SLC6A8: variants seen among roughly 807,000 people sequenced by gnomAD.
The protein encoded by SLC6A8 is solute carrier family 6 member 8.
In SLC6A8, 6 loss-of-function variants were observed where a neutral mutation model predicts 48.3. That is an observed-to-expected ratio of 0.12 (90% confidence interval 0.07 to 0.25). SLC6A8 has a LOEUF of 0.25. Among genes scored for constraint, SLC6A8 ranks in the 10% least tolerant of loss-of-function variants. SLC6A8 has a pLI of 1.00. For missense variants in SLC6A8, 260 were observed against 551.5 expected, an observed-to-expected ratio of 0.47 and a Z score of 5.29; for synonymous variants, 245 against 244.0, an observed-to-expected ratio of 1.00 and a Z score of -0.04.
At chrX:153,690,316 T>G in intron 1 of SLC6A8, 59 bp from the exon 2 acceptor site, 1 of 1,158,944 alleles carries the variant, frequency 8.6e-7, no homozygotes, top group Non-Finnish European at 1.2e-6. Flanking sequence ...GCTGGCCCGC[T>G]GGGCCTGGGC....
At position 153,694,866 on chromosome X, in the gene SLC6A8, A is replaced by G. The variant is rs782149657; in HGVS notation, c.1744A>G (p.Arg582Gly). ...VPLHLLGCLL[R>G]AKGTMAERWQ... Reference sequence around the variant, plus strand: ...GCTGCACCTCCTGGGCTGCCTCCTCAGGGCCAAGGGCACCATGGCTGAGGT... The same window carrying G: ...GCTGCACCTCCTGGGCTGCCTCCTCGGGGCCAAGGGCACCATGGCTGAGGT... Residue 582 changes from arginine to glycine, a missense_variant, in exon 12 of 13, where the codon AGG (arginine) becomes GGG (glycine). By Grantham distance (125) the Arg-to-Gly change is moderately radical. This residue lies in a region of SLC6A8 where 87 missense variants were observed against 120.9 expected (regional missense o/e 0.72). Coordinates refer to ENST00000253122, the MANE Select transcript of SLC6A8 (RefSeq NM_005629.4). The G allele has an allele frequency of 1.0e-5, 12 of 1,198,443 alleles. No homozygotes were observed. In the South Asian group the frequency reaches 2.0e-4, roughly 20 times the overall value.
At position 153,688,644 on chromosome X, in the gene SLC6A8, G is replaced by C. The variant is rs1557043775; in HGVS notation, c.70G>C (p.Ala24Pro). 2 of 1,077,966 alleles carry C rather than the reference G, an allele frequency of 1.9e-6. No individual in the cohort carries two copies. The highest frequency in any genetic ancestry group is 6.6e-5 in the Admixed American group (2 of 30,082). The allele number at this position is 1,077,966 out of a possible 1,213,427, so 88.8% of individuals were successfully genotyped here. A position where few individuals can be genotyped will look rare whatever the true frequency, so the allele number is the denominator to read the frequency against. ...SGDEKKGPLI[A>P]PGPDGAPAKG... is the part of the protein sequence containing the mutation. ...CGACGAGAAGAAGGGCCCCCTCATCGCGCCCGGGCCCGACGGGGCCCCGGC... is the reference window on the plus strand; with the variant it reads ...CGACGAGAAGAAGGGCCCCCTCATCCCGCCCGGGCCCGACGGGGCCCCGGC... The change falls in exon 1 of 13, where the codon GCG becomes CCG. Residue 24 changes from alanine to proline, a missense_variant. Physicochemically the swap from Ala to Pro is conservative, Grantham distance 27. Coordinates refer to ENST00000253122, the MANE Select transcript of SLC6A8 (RefSeq NM_005629.4).
In SLC6A8 at chrX:153,696,000, C is replaced by G. The variant is rs2091489482; in HGVS notation, c.*786C>G. On this transcript the variant is annotated 3_prime_UTR_variant, in exon 13 of 13. Transcript: ENST00000253122. Reference sequence around the variant, plus strand: ...AAAAGAGGAAGGAGCCCAAACCATCCTCTCCTTACCACTCCCATCCCTGTG... The same window carrying G: ...AAAAGAGGAAGGAGCCCAAACCATCGTCTCCTTACCACTCCCATCCCTGTG... 8.3e-6 allele frequency: 1 copy of G among 120,798 alleles called. No homozygotes were observed. Among genetic ancestry groups the G allele is most frequent in the African/African-American group, 3.2e-5 (1 of 31,091 alleles). The allele number at this position is 120,798 out of a possible 1,213,427, so 10.0% of individuals were successfully genotyped here.
At chrX:153,693,242 C>T (rs782162847) in intron 5 of SLC6A8, 21 bp from the exon 6 acceptor site, 88 of 1,205,918 alleles carry the variant, frequency 7.3e-5, no homozygotes, top group East Asian at 3.0e-4. Flanking sequence ...CTCATGCCTG[C>T]GCTCTCCGGC....
At chrX:153,692,734 T>A (rs1603216296) in intron 4 of SLC6A8, 2 of 402,744 alleles carry the variant, frequency 5.0e-6, no homozygotes, top group East Asian at 1.2e-4. Flanking sequence ...CACACACTCA[T>A]ACAGCTCTCA....
Position 153,694,365 on chromosome X carries a change from C to T in SLC6A8, c.1414C>T (p.Leu472=), listed in dbSNP as rs781974297. 7.4e-6 allele frequency: 9 copies of T among 1,209,144 alleles called. No homozygotes were observed. The Admixed American group carries it at 1.7e-4, about 23-fold the overall frequency. ...CCAGGGCGGGATGTACGTCTTCCAG[C>T]TGTTTGACTACTACTCGGCCAGCGG... The part of the protein sequence containing the change: ...VTDGGMYVFQ[L]FDYYSASGTT... The change falls in exon 10 of 13, where the codon CTG becomes TTG. Residue 472 remains leucine (L), a synonymous_variant. Transcript: ENST00000253122.
At chrX:153,692,599 T>G (rs1198868900) in intron 4 of SLC6A8, 3 of 339,590 alleles carry the variant, frequency 8.8e-6, no homozygotes, top group Middle Eastern at 4.3e-4. Flanking sequence ...GCATCTCGCC[T>G]GCCTCTGCCT....
rs2148360949 is a variant in SLC6A8, at chrX:153,691,297, G to A, written c.395-7G>A. ...GAATCTACATGGCAAGGACTTCCCG[G>A]CCCCAGGCCTGGGCTACGCCTCCAT... is the stretch of plus-strand genomic sequence containing the variant. On this transcript the variant is annotated splice_region_variant and splice_polypyrimidine_tract_variant and intron_variant, in intron 2 of 12. Coordinates refer to ENST00000253122, the MANE Select transcript of SLC6A8 (RefSeq NM_005629.4). 1.7e-6 allele frequency: 2 copies of A among 1,191,153 alleles called. No homozygotes were observed. Among genetic ancestry groups the A allele is most frequent in the East Asian group, 3.1e-5 (1 of 32,608 alleles).
In SLC6A8 at chrX:153,695,074, C is replaced by T. The variant is rs2314078; in HGVS notation, c.1768C>T (p.Arg590Cys). 4 of 1,200,127 alleles carry T rather than the reference C, an allele frequency of 3.3e-6. No individual in the cohort carries two copies. Among genetic ancestry groups the T allele is most frequent in the East Asian group, 3.0e-5 (1 of 33,395 alleles). ...TTCAGCATGTCCTCCTCTCCTGCAG[C>T]GCTGGCAGCACCTGACCCAGCCCAT... is the stretch of plus-strand genomic sequence containing the variant. The part of the protein sequence containing the change: ...LLRAKGTMAE[R>C]WQHLTQPIWG... The change falls in exon 13 of 13, where the codon CGC becomes TGC. Residue 590 changes from arginine to cysteine, a missense_variant and splice_region_variant. Physicochemically the swap from Arg to Cys is radical, Grantham distance 180. Coordinates refer to ENST00000253122, the MANE Select transcript of SLC6A8 (RefSeq NM_005629.4).
chrX:153,692,406 T>TA (rs1557044664), intron 4 of SLC6A8: 2 of 384,605 alleles, frequency 5.2e-6, no homozygotes, highest in East Asian at 6.9e-5. Flanking sequence ...GGCCATCTGT[T>TA]ACCTATCTTG....
At chrX:153,690,856 G>A in intron 2 of SLC6A8, 1 of 279,343 alleles carries the variant, frequency 3.6e-6, no homozygotes, top group Non-Finnish European at 6.5e-6. Flanking sequence ...CCACTGCAGG[G>A]GCGACTGTCT....
intron 4 of SLC6A8, 124 bp from the exon 5 acceptor site, chrX:153,692,917 C>A: frequency 1.1e-6 from 1 of 920,907 alleles, no homozygotes; most frequent in Non-Finnish European, 1.5e-6. Context: ...CTGGCGGGAG[C>A]CATGGCTCGG....
chrX:153,693,428 C>G (rs377530089), intron 6 of SLC6A8, 34 bp from the exon 7 acceptor site: 15 of 1,209,170 alleles, frequency 1.2e-5, no homozygotes, highest in South Asian at 1.8e-5. Flanking sequence ...GCCCAGCAGC[C>G]TAACCCATCC....
Position 153,694,082 on chromosome X carries a change from AG to A in SLC6A8, c.1255-44del, listed in dbSNP as rs34035058. On this transcript the variant is annotated intron_variant, in intron 8 of 12. Transcript: ENST00000253122. ...CGGAGGGAGGGCTGCAGGCAAGGAA[AG>A]GGGTGGAGGGCGGTGCGGGGCTCGG... 1.1e-4 allele frequency: 132 copies of A among 1,190,008 alleles called. No homozygotes were observed. The highest frequency in any genetic ancestry group is 1.5e-4 in the Non-Finnish European group (129 of 879,726).
chrX:153,692,518 A>G (rs1557044716), intron 4 of SLC6A8: 1 of 339,925 alleles, frequency 2.9e-6, no homozygotes, highest in Admixed American at 3.1e-5. Context: ...GCTGTGGGAC[A>G]TGGCCAGCTC....
chrX:153,690,138 G>T (rs1328266427), intron 1 of SLC6A8, among the ~76,000 whole-genome samples: 1 of 113,048 alleles, frequency 8.8e-6, no homozygotes, highest in Non-Finnish European at 1.9e-5. Context: ...GGGGCCTAGG[G>T]CCCCTCTGCC....
rs1486125548 is a variant in SLC6A8 at position 153,688,586 on chromosome X, G to C, written c.12G>C (p.Lys4Asn). The C allele has an allele frequency of 3.8e-6, 4 of 1,042,912 alleles. No homozygotes were observed. The highest frequency in any genetic ancestry group is 5.0e-6 in the Non-Finnish European group (4 of 807,198). 85.9% of individuals were successfully genotyped at this position (1,042,912 alleles called of 1,213,427 possible). ...GGCCCGCCGAGGCCATGGCGAAGAA[G>C]AGCGCCGAGAACGGCATCTATAGCG... MAKKSAENGIYSVS... is the reference protein window; with the variant it reads MAKNSAENGIYSVS... The change falls in exon 1 of 13, where the codon AAG becomes AAC. Residue 4 changes from lysine (K) to asparagine (N), a missense_variant. This residue lies in a region of SLC6A8 where 50 missense variants were observed against 55.1 expected (regional missense o/e 0.91). Transcript: ENST00000253122.
At chrX:153,694,058 G>A (rs782294985) in intron 8 of SLC6A8, 41 bp downstream of exon 8, 12 of 1,189,393 alleles carry the variant, frequency 1.0e-5, no homozygotes, top group South Asian at 7.2e-5. Flanking sequence ...GGAGGGGGGC[G>A]GAGGGAGGGC....
At chrX:153,694,673 C>T (rs781925476) in intron 11 of SLC6A8, 40 bp downstream of exon 11, 2 of 1,189,759 alleles carry the variant, frequency 1.7e-6, no homozygotes, top group East Asian at 3.0e-5. Flanking sequence ...GGGGGCGAGG[C>T]AGGGCGGGGT....
Sources: allele counts gnomAD v4.1 joint callset (sites outside exome capture counted in the v4.1 genomes callset), GRCh38; gene constraint gnomAD v4.1.1; regional missense constraint gnomAD v4.1.1; transcripts MANE v1.5; gene names NCBI Gene and HGNC (gene_info 2026-07-23, HGNC 2026-07-21).